IL1RAP: variants seen among roughly 807,000 people sequenced by gnomAD.
IL1RAP encodes interleukin-1 receptor accessory protein.
IL1RAP carries 35 observed loss-of-function variants against 60.7 expected under a neutral mutation model. The ratio of observed to expected loss-of-function variants is 0.58; its 90% CI spans 0.44 to 0.76. The LOEUF is 0.76. IL1RAP is among the 30% of genes least tolerant of loss of function. The pLI is 0.00. For synonymous variants in IL1RAP, 268 were observed against 250.9 expected (o/e 1.07, Z -0.64); for missense variants, 572 against 693.9 (o/e 0.82, Z 1.97).
chr3:190,515,225 C>T (rs1355400149), intron 1 of IL1RAP, among the ~76,000 whole-genome samples: 3 of 130,228 alleles, frequency 2.3e-5, no homozygotes, highest in Non-Finnish European at 4.7e-5. Flanking sequence ...TCTTTTCTTT[C>T]TTTCTTCCTT....
intron 8 of IL1RAP, among the ~76,000 whole-genome samples, chr3:190,627,814 A>G (rs1477531649): frequency 1.3e-5 from 2 of 152,146 alleles, no homozygotes; most frequent in Non-Finnish European, 2.9e-5. Flanking sequence ...AAAGGTCACA[A>G]TCAAGGGTTG....
chr3:190,655,186 T>C (rs550484026), downstream of IL1RAP, among the ~76,000 whole-genome samples: 128 of 152,312 alleles, frequency 8.4e-4, no homozygotes, highest in African/African-American at 3.0e-3. Flanking sequence ...TTCCTGTTGC[T>C]CTTTGCTGAT....
At chr3:190,624,436 CAT>C (rs922116352) in intron 7 of IL1RAP, among the ~76,000 whole-genome samples, 2 of 152,132 alleles carry the variant, frequency 1.3e-5, no homozygotes, top group African/African-American at 2.4e-5. Context: ...TTATAATAGG[CAT>C]GTGTGTGTGA....
chr3:190,588,819 GTAAGTCAA>G (rs749836858), intron 3 of IL1RAP, among the ~76,000 whole-genome samples: 1 of 152,086 alleles, frequency 6.6e-6, no homozygotes, highest in African/African-American at 2.4e-5. Flanking sequence ...TAGCACTATA[GTAAGTCAA>G]TAAGCTCAAC....
At chr3:190,580,573 T>A (rs1244854130) in intron 3 of IL1RAP, among the ~76,000 whole-genome samples, 1 of 152,150 alleles carries the variant, frequency 6.6e-6, no homozygotes, top group Non-Finnish European at 1.5e-5. Context: ...ATGATGCTAT[T>A]TACATGAGGA....
At chr3:190,638,691 G>A (rs1368155066) in intron 9 of IL1RAP, among the ~76,000 whole-genome samples, 1 of 152,072 alleles carries the variant, frequency 6.6e-6, no homozygotes, top group Non-Finnish European at 1.5e-5. Context: ...CCATAGTCAG[G>A]AAGGTTCACC....
intron 1 of IL1RAP, among the ~76,000 whole-genome samples, chr3:190,515,441 C>T (rs999368101): frequency 4.6e-5 from 7 of 152,122 alleles, no homozygotes; most frequent in African/African-American, 1.7e-4. Flanking sequence ...AAGGTGATTT[C>T]ATACCATCTT....
Position 190,609,198 on chromosome 3 carries a change from T to C in IL1RAP, c.537+17T>C, listed in dbSNP as rs1187949047. On this transcript the variant is annotated intron_variant, in intron 5 of 11. Transcript: ENST00000447382. ...TGGTATATGGTAAGGAAAATTAGAC[T>C]ACATTTTATTCTCTCTAATGGCTTA... is the stretch of plus-strand genomic sequence containing the variant. The C allele has an allele frequency of 6.5e-7, 1 of 1,540,228 alleles. No homozygotes were observed. Among genetic ancestry groups the C allele is most frequent in the Non-Finnish European group, 8.9e-7 (1 of 1,124,800 alleles).
At chr3:190,609,976 T>C (rs55934964) in intron 5 of IL1RAP, among the ~76,000 whole-genome samples, 6,599 of 152,110 alleles carry the variant, frequency 0.043, 469 homozygotes, top group African/African-American at 0.15. Context: ...GGAGCTGAAA[T>C]TGGGAGAGGT....
chr3:190,585,966 C>T (rs1245630942), intron 3 of IL1RAP, among the ~76,000 whole-genome samples: 1 of 152,142 alleles, frequency 6.6e-6, no homozygotes, highest in Non-Finnish European at 1.5e-5. Context: ...TCATCCCACA[C>T]CCTGTGATCT....
intron 1 of IL1RAP, among the ~76,000 whole-genome samples, chr3:190,555,586 T>C (rs577864945): frequency 1.7e-4 from 26 of 152,244 alleles, no homozygotes; most frequent in Admixed American, 7.2e-4. Context: ...CATTTTGCAT[T>C]AACTTCCTAC....
At chr3:190,536,994 G>T (rs972969924) in intron 1 of IL1RAP, among the ~76,000 whole-genome samples, 12 of 151,198 alleles carry the variant, frequency 7.9e-5, no homozygotes, top group African/African-American at 2.9e-4. Context: ...AGGAGAAGGG[G>T]CCACAGTGTT....
At position 190,649,293 on chromosome 3, in the gene IL1RAP, C is replaced by A; in HGVS notation, c.*588C>A. The A allele has an allele frequency of 2.0e-6, 2 of 984,902 alleles. No homozygotes were observed. Among genetic ancestry groups the A allele is most frequent in the Non-Finnish European group, 2.4e-6 (2 of 829,082 alleles). The allele number at this position is 984,902 out of a possible 1,614,324, so 61.0% of individuals were successfully genotyped here. ...TGTTTCTTTTAATTGATTTAAAGGA[C>A]TTGTCTTCTATACCACCCTTGTCCT... On this transcript the variant is annotated 3_prime_UTR_variant, in exon 12 of 12. Coordinates refer to ENST00000447382, the MANE Select transcript of IL1RAP (RefSeq NM_002182.4).
At chr3:190,652,225 A>T (rs865915799), downstream of IL1RAP, among the ~76,000 whole-genome samples, 13 of 151,876 alleles carry the variant, frequency 8.6e-5, no homozygotes, top group African/African-American at 2.9e-4. Flanking sequence ...GCACTTTGGG[A>T]GGCTGAAGCG....
At chr3:190,645,649 G>A (rs1384360247) in intron 10 of IL1RAP, 50 bp from the exon 11 acceptor site, 2 of 1,427,782 alleles carry the variant, frequency 1.4e-6, no homozygotes, top group East Asian at 2.3e-5. Context: ...AAATGTAATG[G>A]TATTGAGAAA....
chr3:190,628,602 G>C (rs950622860), intron 8 of IL1RAP, among the ~76,000 whole-genome samples: 3 of 152,176 alleles, frequency 2.0e-5, no homozygotes, highest in Admixed American at 6.5e-5. Context: ...CAAAACACTT[G>C]ATCTCTGATT....
chr3:190,618,763 C>T (rs750952476), intron 5 of IL1RAP, among the ~76,000 whole-genome samples: 1 of 152,126 alleles, frequency 6.6e-6, no homozygotes, highest in Non-Finnish European at 1.5e-5. Flanking sequence ...GTTTGCTGAC[C>T]TGACAAGTGT....
At position 190,615,165 on chromosome 3, in the gene IL1RAP, C is replaced by T. The variant is rs2108779306; in HGVS notation, c.538-5110C>T. 5 of 320,426 alleles carry T rather than the reference C, an allele frequency of 1.6e-5. No homozygotes were observed. The East Asian group carries it at 3.1e-4, about 20-fold the overall frequency. 19.8% of individuals were successfully genotyped at this position (320,426 alleles called of 1,614,324 possible). On this transcript the variant is annotated intron_variant, in intron 5 of 11. Transcript: ENST00000447382. ...AACTCCTGTGAGTTAAACTGATGTT[C>T]AGCAAATATTTGTTGAATAAGCCAG...
chr3:190,568,779 G>A (rs937414674), intron 3 of IL1RAP, among the ~76,000 whole-genome samples: 2 of 152,128 alleles, frequency 1.3e-5, no homozygotes, highest in Admixed American at 1.3e-4. Context: ...CACACACAGG[G>A]TATACTCCTA....
Sources: allele counts gnomAD v4.1 joint callset (sites outside exome capture counted in the v4.1 genomes callset), GRCh38; gene constraint gnomAD v4.1.1; transcripts MANE v1.5; gene names NCBI Gene and HGNC (gene_info 2026-07-23, HGNC 2026-07-21).